The following IQCK variants were observed in gnomAD, a reference collection of about 807,000 sequenced individuals.
The protein encoded by IQCK is IQ domain-containing protein K.
In IQCK, 29 loss-of-function variants were observed where a neutral mutation model predicts 28.1. That is an observed-to-expected ratio of 1.03 (90% confidence interval 0.77 to 1.41). The LOEUF is 1.41. Among genes scored for constraint, IQCK ranks in the 40% most tolerant of loss-of-function variants. The pLI is 0.00. For synonymous variants in IQCK, 113 were observed against 115.1 expected (o/e 0.98, Z 0.12); for missense variants, 359 against 314.7 (o/e 1.14, Z -1.07).
At chr16:19,857,430 A>G in exon 10 of IQCK, 2 of 440,394 alleles carry the variant, frequency 4.5e-6, no homozygotes, top group Non-Finnish European at 9.0e-6. Context: ...TTGTCTTGAA[A>G]TTTCTTTAAC....
In IQCK at chr16:19,838,710, C is replaced by T. The variant is rs140236410; in HGVS notation, c.802+11573C>T. 1.5e-4 allele frequency among the ~76,000 whole-genome samples: 23 copies of T among 152,200 alleles called. No homozygotes were observed. In the East Asian group the frequency reaches 4.3e-3, roughly 28 times the overall value. On this transcript the variant is annotated intron_variant, in intron 9 of 9. Coordinates refer to the IQCK transcript ENST00000320394. ...TATTATTTCTAATCTTCACAGCAAA[C>T]AGAATGAGTAGAAATTATTATTGCC...
At chr16:19,850,630 G>A (rs887206366) in intron 9 of IQCK, among the ~76,000 whole-genome samples, 12 of 152,120 alleles carry the variant, frequency 7.9e-5, no homozygotes, top group African/African-American at 2.9e-4. Flanking sequence ...CAGTATGTGA[G>A]CATCTCGTGG....
chr16:19,719,546 C>T (rs1368540046), intron 1 of IQCK, among the ~76,000 whole-genome samples: 3 of 150,426 alleles, frequency 2.0e-5, no homozygotes, highest in Non-Finnish European at 3.0e-5. Context: ...GCCGAGTTTG[C>T]GCCACTGCAC....
At chr16:19,721,571 G>A (rs1009420990) in intron 1 of IQCK, among the ~76,000 whole-genome samples, 3 of 148,542 alleles carry the variant, frequency 2.0e-5, no homozygotes, top group Non-Finnish European at 2.9e-5. Context: ...CAAAGGATGT[G>A]GGGCTTAACA....
At chr16:19,821,614 T>C (rs1429568460) in intron 7 of IQCK, among the ~76,000 whole-genome samples, 2 of 152,144 alleles carry the variant, frequency 1.3e-5, no homozygotes, top group African/African-American at 4.8e-5. Context: ...GGCATGAGAA[T>C]CGCTTGAAAG....
chr16:19,809,999 G>A (rs1325510031), intron 7 of IQCK, among the ~76,000 whole-genome samples: 3 of 152,154 alleles, frequency 2.0e-5, no homozygotes, highest in Non-Finnish European at 4.4e-5. Context: ...CAATCCTGAA[G>A]CCAGCAGTTA....
intron 1 of IQCK, 137 bp downstream of exon 1, chr16:19,718,624 A>G (rs1977347514): frequency 2.7e-6 from 2 of 745,752 alleles, no homozygotes; most frequent in South Asian, 6.3e-5. Context: ...CGGGCTCCGC[A>G]TTTTACGCAT....
chr16:19,852,284 A>G (rs2056492389), intron 9 of IQCK, among the ~76,000 whole-genome samples: 1 of 152,162 alleles, frequency 6.6e-6, no homozygotes, highest in African/African-American at 2.4e-5. Context: ...CACATATAAC[A>G]ATAAATAAAA....
At chr16:19,725,975 G>A (rs992151785) in intron 1 of IQCK, among the ~76,000 whole-genome samples, 1 of 150,584 alleles carries the variant, frequency 6.6e-6, no homozygotes, top group African/African-American at 2.4e-5. Context: ...GAGTGCAGCG[G>A]CTCGATCTCT....
At chr16:19,814,523 CAG>C (rs985570437) in intron 7 of IQCK, among the ~76,000 whole-genome samples, 4 of 151,990 alleles carry the variant, frequency 2.6e-5, no homozygotes, top group African/African-American at 9.7e-5. Context: ...TGACAAAAAA[CAG>C]AGTGAGAGAC....
intron 1 of IQCK, among the ~76,000 whole-genome samples, chr16:19,723,412 T>G (rs1225612078): frequency 1.3e-5 from 2 of 152,176 alleles, no homozygotes; most frequent in Non-Finnish European, 2.9e-5. Flanking sequence ...GGCAACCATT[T>G]ATTGAGCTGC....
chr16:19,749,187 G>A (rs1250786615), intron 4 of IQCK, among the ~76,000 whole-genome samples: 7 of 152,214 alleles, frequency 4.6e-5, no homozygotes, highest in Non-Finnish European at 1.0e-4. Context: ...AGAGAAGAGA[G>A]ACGAAACAGA....
chr16:19,776,120 A>G (rs2055390888), intron 6 of IQCK, among the ~76,000 whole-genome samples: 1 of 151,956 alleles, frequency 6.6e-6, no homozygotes, highest in Admixed American at 6.6e-5. Context: ...ACCTCAGGTG[A>G]TCCACCTGCC....
intron 7 of IQCK, among the ~76,000 whole-genome samples, chr16:19,806,178 G>C (rs998230877): frequency 1.3e-5 from 2 of 152,186 alleles, no homozygotes; most frequent in African/African-American, 4.8e-5. Flanking sequence ...GCAGGAGCAG[G>C]AGGGTGCTGG....
intron 6 of IQCK, among the ~76,000 whole-genome samples, chr16:19,779,592 C>T (rs1215053027): frequency 2.0e-5 from 3 of 152,030 alleles, no homozygotes; most frequent in Non-Finnish European, 1.5e-5. Context: ...ACTTTTTGGC[C>T]CAATTCCATA....
intron 9 of IQCK, among the ~76,000 whole-genome samples, chr16:19,842,052 G>T (rs1483532071): frequency 6.6e-6 from 1 of 151,998 alleles, no homozygotes; most frequent in Non-Finnish European, 1.5e-5. Context: ...CACCATGTTG[G>T]CCAGGCTGGT....
At chr16:19,842,630 A>G (rs1433820533) in intron 9 of IQCK, among the ~76,000 whole-genome samples, 2 of 152,198 alleles carry the variant, frequency 1.3e-5, no homozygotes, top group Non-Finnish European at 2.9e-5. Flanking sequence ...TCCCTTGAAA[A>G]TGGTTTGCTT....
intron 4 of IQCK, among the ~76,000 whole-genome samples, chr16:19,741,928 A>T (rs905975462): frequency 2.0e-5 from 3 of 152,204 alleles, no homozygotes; most frequent in Non-Finnish European, 4.4e-5. Context: ...CAGAGCTTGC[A>T]GTGAGCCAAG....
intron 6 of IQCK, among the ~76,000 whole-genome samples, chr16:19,783,054 A>G (rs1357029718): frequency 1.3e-5 from 2 of 150,866 alleles, no homozygotes; most frequent in East Asian, 3.9e-4. Context: ...GCTGGAGTAC[A>G]GTGGTGCGAT....
Sources: gnomAD v4.1 joint callset for allele counts (sites outside exome capture counted in the v4.1 genomes callset) on GRCh38, gnomAD v4.1.1 for gene constraint, MANE v1.5 for transcripts, NCBI Gene and HGNC (gene_info 2026-07-23, HGNC 2026-07-21) for gene names.